Variants in LRPPRC observed in about 807,000 individuals in gnomAD.
LRPPRC encodes the protein leucine-rich PPR motif-containing protein, mitochondrial.
In LRPPRC, 120 loss-of-function variants were observed where a neutral mutation model predicts 180.3. The observed-to-expected ratio is 0.67, with a 90% CI of 0.57 to 0.77. The LOEUF is 0.77. LRPPRC is among the 30% of genes least tolerant of loss of function. The pLI, the probability that LRPPRC is intolerant of heterozygous loss-of-function variation, is 0.00. For synonymous variants in LRPPRC, 723 were observed against 600.0 expected, an observed-to-expected ratio of 1.21 and a Z score of -3.00; for missense variants, 2,012 against 1,657.2, an observed-to-expected ratio of 1.21 and a Z score of -3.72.
intron 27 of LRPPRC, among the ~76,000 whole-genome samples, chr2:43,919,395 C>G (rs1196917090): frequency 6.6e-6 from 1 of 152,172 alleles, no homozygotes; most frequent in Admixed American, 6.5e-5. Flanking sequence ...AGTGACAAAT[C>G]TACAAACCTT....
chr2:43,953,907 T>C (rs973479848), intron 14 of LRPPRC, among the ~76,000 whole-genome samples: 3 of 152,148 alleles, frequency 2.0e-5, no homozygotes, highest in African/African-American at 7.2e-5. Flanking sequence ...CGGTGGTTCA[T>C]GCCTGTAATC....
intron 14 of LRPPRC, among the ~76,000 whole-genome samples, chr2:43,953,308 T>C (rs1030732694): frequency 3.3e-5 from 5 of 152,174 alleles, no homozygotes; most frequent in Non-Finnish European, 5.9e-5. Context: ...TTATGAAAAA[T>C]GCCAAGTTAC....
At chr2:43,942,884 A>ATT (rs764247499) in intron 23 of LRPPRC, among the ~76,000 whole-genome samples, 78 of 152,084 alleles carry the variant, frequency 5.1e-4, no homozygotes, top group Non-Finnish European at 9.9e-4. Flanking sequence ...TATATCTTCC[A>ATT]TTTTATTTTA....
At chr2:43,932,227 C>CA (rs1049415322) in intron 25 of LRPPRC, among the ~76,000 whole-genome samples, 10 of 130,332 alleles carry the variant, frequency 7.7e-5, no homozygotes, top group African/African-American at 1.2e-4. Flanking sequence ...AACAAACAAA[C>CA]AAAAAAACAG....
rs2103717224 is a variant in LRPPRC at position 43,975,151 on chromosome 2, G to A, written c.804C>T (p.Asp268=). The A allele has an allele frequency of 6.2e-7, 1 of 1,613,364 alleles. No homozygotes were observed. The highest frequency in any genetic ancestry group is 8.5e-7 in the Non-Finnish European group (1 of 1,179,530). The change falls in exon 7 of 38, where the codon GAC becomes GAT. Residue 268 remains aspartate, a synonymous_variant. Coordinates refer to ENST00000260665, the MANE Select transcript of LRPPRC (RefSeq NM_133259.4). The part of the protein sequence containing the change: ...MRDAGIEPGP[D]TYLALLNAYA... ...ATGCATTCAATAATGCGAGGTATGTGTCTGGACCAGGCTCAATTCCGGCAT... is the reference window on the plus strand; with the variant it reads ...ATGCATTCAATAATGCGAGGTATGTATCTGGACCAGGCTCAATTCCGGCAT...
At chr2:43,966,556 G>T (rs556294935) in intron 11 of LRPPRC, among the ~76,000 whole-genome samples, 5 of 151,540 alleles carry the variant, frequency 3.3e-5, no homozygotes, top group African/African-American at 1.2e-4. Context: ...GACTACAGGC[G>T]CACGCCACCA....
intron 25 of LRPPRC, among the ~76,000 whole-genome samples, chr2:43,929,346 G>A (rs990795923): frequency 2.6e-5 from 4 of 152,046 alleles, no homozygotes; most frequent in Admixed American, 2.0e-4. Context: ...CTAGTACTTC[G>A]TTACTTCTGT....
intron 27 of LRPPRC, 123 bp downstream of exon 27, chr2:43,924,944 G>A: frequency 1.4e-6 from 1 of 727,220 alleles, no homozygotes; most frequent in Non-Finnish European, 2.5e-6. Context: ...CTCTACCTGA[G>A]CCTCTGTTGA....
chr2:43,935,155 T>C (rs893972066), intron 23 of LRPPRC, among the ~76,000 whole-genome samples: 4 of 152,220 alleles, frequency 2.6e-5, no homozygotes, highest in East Asian at 1.9e-4. Context: ...AAAGTCCAAA[T>C]AGATTAAGGC....
intron 1 of LRPPRC, among the ~76,000 whole-genome samples, chr2:43,989,167 T>C (rs967978642): frequency 6.6e-6 from 1 of 152,202 alleles, no homozygotes; most frequent in Non-Finnish European, 1.5e-5. Flanking sequence ...GCCTAAAAAA[T>C]CTTTTATAAA....
At chr2:43,921,132 A>G (rs1432586781) in intron 27 of LRPPRC, among the ~76,000 whole-genome samples, 2 of 152,126 alleles carry the variant, frequency 1.3e-5, no homozygotes, top group African/African-American at 4.8e-5. Flanking sequence ...TCTCTACTAA[A>G]AATACAAAAA....
chr2:43,941,328 ATT>A (rs1392614346), intron 23 of LRPPRC, among the ~76,000 whole-genome samples: 1 of 152,168 alleles, frequency 6.6e-6, no homozygotes, highest in African/African-American at 2.4e-5. Flanking sequence ...CGAAAGTGAT[ATT>A]CTCTTTAGAG....
At chr2:43,995,016 G>T (rs1674962064) in intron 1 of LRPPRC, among the ~76,000 whole-genome samples, 1 of 152,214 alleles carries the variant, frequency 6.6e-6, no homozygotes, top group Non-Finnish European at 1.5e-5. Flanking sequence ...CGAGGCAGGA[G>T]GATCGCTTGA....
At chr2:43,926,523 A>G (rs1170484878) in intron 25 of LRPPRC, among the ~76,000 whole-genome samples, 2 of 152,036 alleles carry the variant, frequency 1.3e-5, no homozygotes, top group African/African-American at 2.4e-5. Flanking sequence ...GTGTGCCACC[A>G]CACCTGGCTA....
intron 29 of LRPPRC, among the ~76,000 whole-genome samples, chr2:43,913,623 T>C (rs577163325): frequency 6.6e-6 from 1 of 152,224 alleles, no homozygotes; most frequent in Non-Finnish European, 1.5e-5. Context: ...GAGAAAAAAA[T>C]ATACGGCAAC....
chr2:43,986,821 TGA>T (rs1362538294), intron 1 of LRPPRC, among the ~76,000 whole-genome samples: 3 of 152,224 alleles, frequency 2.0e-5, no homozygotes, highest in African/African-American at 7.2e-5. Flanking sequence ...ACCTAGACAG[TGA>T]GAGTGAGACT....
intron 27 of LRPPRC, among the ~76,000 whole-genome samples, chr2:43,918,994 C>G (rs1671596488): frequency 6.6e-6 from 1 of 151,904 alleles, no homozygotes; most frequent in Non-Finnish European, 1.5e-5. Flanking sequence ...TTTGCAAAGG[C>G]TACAGGTACT....
At chr2:43,897,460 G>A (rs565119529) in intron 34 of LRPPRC, among the ~76,000 whole-genome samples, 33 of 152,116 alleles carry the variant, frequency 2.2e-4, no homozygotes, top group Admixed American at 1.8e-3. Context: ...ATACTAAAAC[G>A]AATGGTATAA....
intron 24 of LRPPRC, 23 bp downstream of exon 24, chr2:43,934,731 T>G (rs746949118): frequency 1.2e-6 from 2 of 1,610,782 alleles, no homozygotes; most frequent in Non-Finnish European, 8.5e-7. Context: ...AAAACTACAT[T>G]AAGATACTAG....
Sources: gnomAD v4.1 joint callset for allele counts (sites outside exome capture counted in the v4.1 genomes callset) on GRCh38, gnomAD v4.1.1 for gene constraint, MANE v1.5 for transcripts, NCBI Gene and HGNC (gene_info 2026-07-23, HGNC 2026-07-21) for gene names.